Variants in NPAS3 observed in about 807,000 individuals in gnomAD.
NPAS3 encodes neuronal PAS domain-containing protein 3.
In NPAS3, 14 loss-of-function variants were observed where a neutral mutation model predicts 73.1. The ratio of observed to expected loss-of-function variants is 0.19; its 90% CI spans 0.13 to 0.30. The LOEUF (loss-of-function observed/expected upper bound fraction) is 0.30, where lower values mean the gene tolerates loss of function less well. Among genes scored for constraint, NPAS3 ranks in the 10% least tolerant of loss-of-function variants. The pLI, the probability that NPAS3 is intolerant of heterozygous loss-of-function variation, is 1.00. For synonymous variants in NPAS3, 620 were observed against 541.5 expected (o/e 1.14, Z -2.01); for missense variants, 1,096 against 1,250.0 (o/e 0.88, Z 1.86).
intron 3 of NPAS3, among the ~76,000 whole-genome samples, chr14:33,239,793 T>C (rs1293272543): frequency 6.6e-6 from 1 of 151,950 alleles, no homozygotes; most frequent in Admixed American, 6.6e-5. Flanking sequence ...AGCATCAAAA[T>C]GGAGACCTAT....
intron 2 of NPAS3, among the ~76,000 whole-genome samples, chr14:33,124,790 A>G (rs1308266149): frequency 6.6e-6 from 1 of 152,120 alleles, no homozygotes; most frequent in Non-Finnish European, 1.5e-5. Context: ...GTATAAAATA[A>G]GAAAGATGTT....
chr14:33,611,582 C>T (rs550184742), intron 5 of NPAS3, among the ~76,000 whole-genome samples: 1 of 152,294 alleles, frequency 6.6e-6, no homozygotes, highest in African/African-American at 2.4e-5. Context: ...TCTAACACTA[C>T]TGCCTCAAGG....
intron 4 of NPAS3, among the ~76,000 whole-genome samples, chr14:33,540,126 C>T (rs2054444465): frequency 6.6e-6 from 1 of 152,138 alleles, no homozygotes; most frequent in South Asian, 2.1e-4. Flanking sequence ...TTCCCTTGTT[C>T]TATGTTTAGC....
chr14:33,503,997 A>T (rs2052642432), intron 4 of NPAS3, among the ~76,000 whole-genome samples: 1 of 151,998 alleles, frequency 6.6e-6, no homozygotes, highest in African/African-American at 2.4e-5. Context: ...TTATCTAGAC[A>T]TTATTCCAAG....
chr14:33,548,258 G>T (rs8005800), intron 4 of NPAS3, among the ~76,000 whole-genome samples: 90,174 of 152,036 alleles, frequency 0.59, 26,974 homozygotes, highest in Admixed American at 0.65. Context: ...TTTTAATAAG[G>T]CTAATAGTCA....
intron 4 of NPAS3, among the ~76,000 whole-genome samples, chr14:33,378,486 A>G (rs771726361): frequency 2.6e-5 from 4 of 152,066 alleles, no homozygotes; most frequent in Non-Finnish European, 4.4e-5. Context: ...AAATACAAAA[A>G]TTAGCTGGGT....
chr14:33,358,129 G>A (rs1024482890), intron 3 of NPAS3, among the ~76,000 whole-genome samples: 3 of 152,148 alleles, frequency 2.0e-5, no homozygotes, highest in Non-Finnish European at 2.9e-5. Flanking sequence ...TTCAGAACAC[G>A]GAGGTGATAC....
intron 7 of NPAS3, among the ~76,000 whole-genome samples, chr14:33,751,368 G>A (rs1283120297): frequency 6.6e-6 from 1 of 152,130 alleles, no homozygotes; most frequent in Non-Finnish European, 1.5e-5. Context: ...GCCAACATGA[G>A]TGCAGGGACT....
chr14:33,160,124 C>A (rs958782836), intron 2 of NPAS3, among the ~76,000 whole-genome samples: 4 of 152,014 alleles, frequency 2.6e-5, no homozygotes, highest in African/African-American at 9.7e-5. Flanking sequence ...TTTTTTCAAT[C>A]TTTGCAGGAT....
At chr14:33,736,774 G>T (rs2061533716) in intron 7 of NPAS3, among the ~76,000 whole-genome samples, 1 of 152,130 alleles carries the variant, frequency 6.6e-6, no homozygotes, top group African/African-American at 2.4e-5. Context: ...GTTTGGAGGG[G>T]CACATCCCAG....
chr14:33,087,592 G>T (rs147551514), intron 2 of NPAS3, among the ~76,000 whole-genome samples: 1 of 151,988 alleles, frequency 6.6e-6, no homozygotes, highest in African/African-American at 2.4e-5. Flanking sequence ...AATGACAAAT[G>T]GTTTTTACAT....
At chr14:33,260,657 CT>C (rs534887604) in intron 3 of NPAS3, among the ~76,000 whole-genome samples, 41 of 152,148 alleles carry the variant, frequency 2.7e-4, no homozygotes, top group Non-Finnish European at 5.4e-4. Flanking sequence ...GAATTTTTTT[CT>C]TCTGTTTCTC....
chr14:33,125,128 T>G (rs1445559298), intron 2 of NPAS3, among the ~76,000 whole-genome samples: 1 of 152,138 alleles, frequency 6.6e-6, no homozygotes, highest in Non-Finnish European at 1.5e-5. Flanking sequence ...CTTCTTTGAC[T>G]TCTCAGTGCC....
intron 9 of NPAS3, among the ~76,000 whole-genome samples, chr14:33,791,307 C>A (rs889228405): frequency 6.6e-6 from 1 of 152,210 alleles, no homozygotes; most frequent in Non-Finnish European, 1.5e-5. Flanking sequence ...TTTACAGATA[C>A]CTCCTCACAT....
At chr14:33,026,889 C>T (rs1443677013) in intron 1 of NPAS3, among the ~76,000 whole-genome samples, 2 of 152,130 alleles carry the variant, frequency 1.3e-5, no homozygotes, top group Non-Finnish European at 2.9e-5. Context: ...ACCCCTTTCC[C>T]TTTTTTCCCC....
In NPAS3 at chr14:33,347,762, T is replaced by G. The variant is rs77531416; in HGVS notation, c.386-19424T>G. ...ACACTTTAAATCATTTCTAGATTAC[T>G]TATAACACCCAATACAATATAAATT... On this transcript the variant is annotated intron_variant, in intron 3 of 11. Transcript: ENST00000356141. Among the ~76,000 whole-genome samples the G allele has an allele frequency of 0.011, 1,638 of 152,332 alleles. 140 individuals carry two copies. In the East Asian group the frequency reaches 0.21, roughly 20 times the overall value.
intron 6 of NPAS3, among the ~76,000 whole-genome samples, chr14:33,730,002 A>G (rs182632662): frequency 6.6e-6 from 1 of 152,302 alleles, no homozygotes; most frequent in East Asian, 1.9e-4. Context: ...TTCACTATTT[A>G]GTGAATGTTA....
intron 2 of NPAS3, among the ~76,000 whole-genome samples, chr14:33,180,483 G>A (rs1004773835): frequency 1.5e-4 from 23 of 152,074 alleles, no homozygotes; most frequent in African/African-American, 5.3e-4. Flanking sequence ...GCAAATAATC[G>A]TTCATGATTT....
At chr14:33,619,726 T>C (rs2058026906) in intron 5 of NPAS3, among the ~76,000 whole-genome samples, 1 of 152,216 alleles carries the variant, frequency 6.6e-6, no homozygotes, top group South Asian at 2.1e-4. Context: ...GGTGCATTAT[T>C]GGGAAGGACT....
Sources: gnomAD v4.1 joint callset for allele counts (sites outside exome capture counted in the v4.1 genomes callset) on GRCh38, gnomAD v4.1.1 for gene constraint, MANE v1.5 for transcripts, NCBI Gene and HGNC (gene_info 2026-07-23, HGNC 2026-07-21) for gene names.